Variants in TAFA4 observed in about 807,000 individuals in gnomAD.
The protein encoded by TAFA4 is chemokine-like protein TAFA-4.
TAFA4 carries 20 observed loss-of-function variants against 21.1 expected under a neutral mutation model. The observed-to-expected ratio is 0.95, with a 90% CI of 0.67 to 1.38. The LOEUF (loss-of-function observed/expected upper bound fraction) is 1.38, where lower values mean the gene tolerates loss of function less well. Among genes scored for constraint, TAFA4 ranks in the 40% most tolerant of loss-of-function variants. The pLI is 0.00. For synonymous variants in TAFA4, 71 were observed against 67.4 expected (o/e 1.05, Z -0.26); for missense variants, 211 against 180.9 (o/e 1.17, Z -0.95).
At chr3:68,834,195 G>A (rs1480981436) in intron 3 of TAFA4, among the ~76,000 whole-genome samples, 2 of 152,154 alleles carry the variant, frequency 1.3e-5, no homozygotes, top group Non-Finnish European at 2.9e-5. Flanking sequence ...TTAAGCAGAG[G>A]CTAACATTTT....
At chr3:68,865,374 G>A (rs562501400) in intron 3 of TAFA4, among the ~76,000 whole-genome samples, 2 of 152,000 alleles carry the variant, frequency 1.3e-5, no homozygotes, top group South Asian at 4.2e-4. Context: ...TAATCCCCAT[G>A]TGTCATGGGG....
At chr3:68,781,593 T>C (rs1183458450) in intron 3 of TAFA4, among the ~76,000 whole-genome samples, 1 of 152,138 alleles carries the variant, frequency 6.6e-6, no homozygotes, top group East Asian at 1.9e-4. Context: ...TGAGTATCTC[T>C]ATATCAAATA....
intron 1 of TAFA4, among the ~76,000 whole-genome samples, chr3:68,903,552 C>T (rs2089865456): frequency 6.6e-6 from 1 of 152,170 alleles, no homozygotes; most frequent in Non-Finnish European, 1.5e-5. Context: ...TACAGAAGCA[C>T]ACATATTCTA....
chr3:68,795,494 G>T lies in TAFA4; in HGVS notation c.131-42476C>A, dbSNP rs113934811. On this transcript the variant is annotated intron_variant, in intron 3 of 5. Transcript: ENST00000295569. The stretch of plus-strand genomic sequence containing the variant: ...ATTTAGTCACGAGTTATTGACTCAA[G>T]CTTACCCAAGCAAGACCCCAGTTAG... 2.3e-3 allele frequency among the ~76,000 whole-genome samples: 345 copies of T among 152,200 alleles called. 2 individuals carry two copies. The highest frequency in any genetic ancestry group is 7.5e-3 in the African/African-American group (310 of 41,510).
chr3:68,786,971 GAGTC>G (rs1703272836), intron 3 of TAFA4, among the ~76,000 whole-genome samples: 2 of 152,262 alleles, frequency 1.3e-5, no homozygotes, highest in South Asian at 4.2e-4. Context: ...AAAATAAAAA[GAGTC>G]AGGAAAAAAT....
rs2089658541 is a variant in TAFA4, at chr3:68,885,195, TG to T, written c.-8del. 1 of 1,612,592 alleles carries T rather than the reference TG, an allele frequency of 6.2e-7. No individual in the cohort carries two copies. Among genetic ancestry groups the T allele is most frequent in the Admixed American group, 1.7e-5 (1 of 59,880 alleles). ...CTTACCTTGGGGACCTCATAAGATG[TG>T]GTTCTAGTCAAACACACTTATTCCA... On this transcript the variant is annotated 5_prime_UTR_variant, in exon 2 of 6. Transcript: ENST00000295569.
intron 4 of TAFA4, among the ~76,000 whole-genome samples, chr3:68,752,156 T>G (rs1397108804): frequency 6.6e-6 from 1 of 152,302 alleles, no homozygotes; most frequent in South Asian, 2.1e-4. Flanking sequence ...AATGTTCATT[T>G]TCAGGGAGGT....
intron 4 of TAFA4, among the ~76,000 whole-genome samples, chr3:68,748,551 G>C (rs973445664): frequency 6.6e-6 from 1 of 152,150 alleles, no homozygotes; most frequent in Non-Finnish European, 1.5e-5. Context: ...GACCATCCTG[G>C]CTAACATGGG....
chr3:68,929,366 G>C (rs1032310991), intron 1 of TAFA4, among the ~76,000 whole-genome samples: 2 of 152,196 alleles, frequency 1.3e-5, no homozygotes, highest in African/African-American at 2.4e-5. Flanking sequence ...CCTGAATCGT[G>C]AATCTTGTTT....
chr3:68,783,741 G>GAAAGAAAGAA (rs67072857), intron 3 of TAFA4, among the ~76,000 whole-genome samples: 8 of 101,020 alleles, frequency 7.9e-5, no homozygotes, highest in Admixed American at 6.8e-4. Context: ...AAGAAAGAAA[G>GAAAGAAAGAA]AAAGTAAGAA....
intron 3 of TAFA4, among the ~76,000 whole-genome samples, chr3:68,778,276 G>A (rs1045410317): frequency 5.9e-5 from 9 of 152,058 alleles, no homozygotes; most frequent in Non-Finnish European, 5.9e-5. Context: ...GTAAACTTCA[G>A]AAAAGAGGAT....
chr3:68,824,980 T>A (rs1336888560), intron 3 of TAFA4, among the ~76,000 whole-genome samples: 1 of 152,208 alleles, frequency 6.6e-6, no homozygotes, highest in East Asian at 1.9e-4. Flanking sequence ...GCTTTTTTAA[T>A]TTTTATTAAG....
intron 3 of TAFA4, among the ~76,000 whole-genome samples, chr3:68,768,727 C>T (rs535282106): frequency 9.9e-5 from 15 of 152,156 alleles, no homozygotes; most frequent in Admixed American, 6.5e-4. Context: ...AATAAAATAT[C>T]GTATATATAC....
chr3:68,919,858 C>T (rs1211407759), intron 1 of TAFA4, among the ~76,000 whole-genome samples: 3 of 152,166 alleles, frequency 2.0e-5, no homozygotes, highest in Non-Finnish European at 2.9e-5. Context: ...GCAGTCCCCA[C>T]GTTTTCCAGA....
intron 1 of TAFA4, among the ~76,000 whole-genome samples, chr3:68,915,489 G>C (rs1430773066): frequency 6.6e-6 from 1 of 152,118 alleles, no homozygotes; most frequent in African/African-American, 2.4e-5. Context: ...GAAACATTTA[G>C]GGTCATTGTT....
chr3:68,758,919 C>T (rs1221865125), intron 3 of TAFA4, among the ~76,000 whole-genome samples: 1 of 152,172 alleles, frequency 6.6e-6, no homozygotes. Flanking sequence ...AAGGAATTGT[C>T]CCATGCAATT....
intron 1 of TAFA4, among the ~76,000 whole-genome samples, chr3:68,912,178 C>G (rs1341472708): frequency 6.6e-6 from 1 of 152,164 alleles, no homozygotes; most frequent in East Asian, 1.9e-4. Context: ...GGAATATGAG[C>G]CAGTTTTGCT....
chr3:68,843,681 G>C (rs576640985), intron 3 of TAFA4, among the ~76,000 whole-genome samples: 2 of 152,348 alleles, frequency 1.3e-5, no homozygotes, highest in African/African-American at 4.8e-5. Context: ...ATTATTTTGA[G>C]ATACGGTCCA....
intron 3 of TAFA4, among the ~76,000 whole-genome samples, chr3:68,838,707 GA>G (rs2106889863): frequency 6.6e-6 from 1 of 152,168 alleles, no homozygotes; most frequent in East Asian, 2.0e-4. Flanking sequence ...TCTCAGTTAT[GA>G]AAAAGACATA....
Sources: gnomAD v4.1 joint callset for allele counts (sites outside exome capture counted in the v4.1 genomes callset) on GRCh38, gnomAD v4.1.1 for gene constraint, MANE v1.5 for transcripts, NCBI Gene and HGNC (gene_info 2026-07-23, HGNC 2026-07-21) for gene names.